CERS3: variants seen among roughly 807,000 people sequenced by gnomAD.
CERS3 encodes LAG1 homolog, ceramide synthase 3.
In CERS3, 33 loss-of-function variants were observed where a neutral mutation model predicts 50.3. That is an observed-to-expected ratio of 0.66 (90% CI 0.50 to 0.88). The LOEUF (loss-of-function observed/expected upper bound fraction) is 0.88. CERS3 is among the 40% of genes least tolerant of loss of function. CERS3 has a pLI of 0.00. For missense variants in CERS3, 470 were observed against 460.3 expected, an observed-to-expected ratio of 1.02 and a Z score of -0.19; for synonymous variants, 176 against 155.2, an observed-to-expected ratio of 1.13 and a Z score of -0.99.
chr15:100,483,781 A>ATTTTTTTTTTTTT lies in CERS3; in HGVS notation c.407+768_407+769insAAAAAAAAAAAAA, dbSNP rs1267906519. Among the ~76,000 whole-genome samples, 47 of 77,602 alleles carry ATTTTTTTTTTTTT rather than the reference A, an allele frequency of 6.1e-4. 8 individuals are homozygous for ATTTTTTTTTTTTT. The highest frequency in any genetic ancestry group is 5.4e-3 in the East Asian group (15 of 2,772). 50.9% of individuals were successfully genotyped at this position (77,602 alleles called of 152,430 possible). ...AGGATCAATAATAATAATAATTATT[A>ATTTTTTTTTTTTT]TTATTATTTTTTTTTTTGAGACAGA... On this transcript the variant is annotated intron_variant, in intron 5 of 11. Transcript: ENST00000679737.
intron 11 of CERS3, among the ~76,000 whole-genome samples, chr15:100,409,185 C>T (rs2031286183): frequency 6.6e-6 from 1 of 152,194 alleles, no homozygotes; most frequent in African/African-American, 2.4e-5. Flanking sequence ...CATCCCTATT[C>T]TGACCTTGCC....
chr15:100,543,136 T>C (rs2037240786), intron 1 of CERS3, among the ~76,000 whole-genome samples: 1 of 152,148 alleles, frequency 6.6e-6, no homozygotes, highest in Non-Finnish European at 1.5e-5. Flanking sequence ...GGTCTCGAAC[T>C]CCTGACTTCA....
chr15:100,477,906 T>C (rs2035181894), intron 7 of CERS3, among the ~76,000 whole-genome samples: 1 of 152,206 alleles, frequency 6.6e-6, no homozygotes, highest in Non-Finnish European at 1.5e-5. Flanking sequence ...ATCAGCTCAA[T>C]CAAGGATTAA....
intron 8 of CERS3, among the ~76,000 whole-genome samples, chr15:100,473,359 G>T (rs2035028320): frequency 6.6e-6 from 1 of 151,958 alleles, no homozygotes; most frequent in Admixed American, 6.6e-5. Context: ...TACAGTTATT[G>T]TTTAGCCCCT....
chr15:100,468,617 C>T (rs1422044613), intron 10 of CERS3, among the ~76,000 whole-genome samples: 3 of 152,116 alleles, frequency 2.0e-5, no homozygotes, highest in East Asian at 1.9e-4. Context: ...ATCCCAAGTT[C>T]CCAGACTAGC....
Position 100,401,189 on chromosome 15 carries a change from A to C in CERS3, c.*1524T>G, listed in dbSNP as rs926842743. ...ACCTCTCCTGTGGCTTTCTAGTACGAGCCCCTGAATAAATAGGATGAACAT... is the reference window on the plus strand; with the variant it reads ...ACCTCTCCTGTGGCTTTCTAGTACGCGCCCCTGAATAAATAGGATGAACAT... On this transcript the variant is annotated 3_prime_UTR_variant, in exon 12 of 12. Transcript: ENST00000679737. The C allele has an allele frequency of 1.3e-5, 2 of 152,140 alleles. No individual in the cohort carries two copies. The highest frequency in any genetic ancestry group is 4.8e-5 in the African/African-American group (2 of 41,424). 9.4% of individuals were successfully genotyped at this position (152,140 alleles called of 1,614,324 possible).
At chr15:100,446,111 C>T (rs1044910867) in intron 11 of CERS3, among the ~76,000 whole-genome samples, 2 of 151,918 alleles carry the variant, frequency 1.3e-5, no homozygotes, top group Admixed American at 6.6e-5. Flanking sequence ...ACTCTCTTTT[C>T]GGACTCAGCC....
chr15:100,477,975 A>C (rs916477941), intron 7 of CERS3, among the ~76,000 whole-genome samples: 9 of 152,202 alleles, frequency 5.9e-5, no homozygotes, highest in Admixed American at 3.3e-4. Flanking sequence ...CTGTGAAGGA[A>C]GATAATATCA....
At chr15:100,520,422 G>A (rs796468158) in intron 2 of CERS3, among the ~76,000 whole-genome samples, 5 of 152,212 alleles carry the variant, frequency 3.3e-5, no homozygotes, top group African/African-American at 9.6e-5. Flanking sequence ...AGATCTGTTC[G>A]GGCTGTGTAG....
intron 11 of CERS3, among the ~76,000 whole-genome samples, chr15:100,454,387 CAAA>C (rs59536958): frequency 3.6e-5 from 4 of 111,452 alleles, no homozygotes; most frequent in Non-Finnish European, 7.1e-5. Flanking sequence ...AAGGCATTGT[CAAA>C]AAAAAAAAAA....
intron 11 of CERS3, among the ~76,000 whole-genome samples, chr15:100,448,088 A>G (rs2034008698): frequency 6.6e-6 from 1 of 152,218 alleles, no homozygotes; most frequent in African/African-American, 2.4e-5. Context: ...TTGGATATTC[A>G]ATAAAAATAA....
At chr15:100,530,011 T>G (rs1174964798), upstream of CERS3, among the ~76,000 whole-genome samples, 1 of 152,212 alleles carries the variant, frequency 6.6e-6, no homozygotes, top group East Asian at 1.9e-4. Flanking sequence ...TAAACGCCCT[T>G]CCTTTCACTG....
At chr15:100,511,010 G>A (rs544456373) in intron 2 of CERS3, among the ~76,000 whole-genome samples, 8 of 152,256 alleles carry the variant, frequency 5.3e-5, no homozygotes, top group South Asian at 2.1e-4. Flanking sequence ...CATTAAGGTC[G>A]GGCACGGTAA....
intron 4 of CERS3, among the ~76,000 whole-genome samples, chr15:100,487,783 T>TA (rs2035532074): frequency 1.3e-5 from 2 of 152,320 alleles, no homozygotes; most frequent in South Asian, 4.1e-4. Flanking sequence ...GTTTTTGCTC[T>TA]AAAAATGTTT....
Position 100,458,325 on chromosome 15 carries a change from C to T in CERS3, c.846-2279G>A, listed in dbSNP as rs546958789. Among the ~76,000 whole-genome samples the T allele has an allele frequency of 9.9e-5, 15 of 152,268 alleles. No individual in the cohort carries two copies. The East Asian group carries it at 2.9e-3, about 29-fold the overall frequency. On this transcript the variant is annotated intron_variant, in intron 10 of 11. Transcript: ENST00000679737. ...AGGGGCCAGGTGCAGTGGCTCATGC[C>T]TGTAATCCCAGCACTTTGGGAGGCT...
chr15:100,412,253 G>C (rs535549191), intron 11 of CERS3, among the ~76,000 whole-genome samples: 1 of 152,176 alleles, frequency 6.6e-6, no homozygotes, highest in African/African-American at 2.4e-5. Flanking sequence ...TATGGTGTTA[G>C]GTAAGGGTCC....
chr15:100,440,937 C>T lies in CERS3; in HGVS notation c.999+14956G>A, dbSNP rs368018077. 8.5e-5 allele frequency among the ~76,000 whole-genome samples: 13 copies of T among 152,332 alleles called. No individual in the cohort carries two copies. The East Asian group carries it at 1.3e-3, about 16-fold the overall frequency. ...GGACCCAAAACTCCGGCACTGGTCACGGACTAGGGAAGGCAGCCTTCCCTT... is the reference window on the plus strand; with the variant it reads ...GGACCCAAAACTCCGGCACTGGTCATGGACTAGGGAAGGCAGCCTTCCCTT... On this transcript the variant is annotated intron_variant, in intron 11 of 11. Coordinates refer to ENST00000679737, the MANE Select transcript of CERS3 (RefSeq NM_001378789.1).
chr15:100,471,408 G>A lies in CERS3; in HGVS notation c.738+1516C>T, dbSNP rs369773587. ...GGGAATCATGTCACATCAGTGAAAGGGTGGGGAGGGTGGCAGGGCAACCCC... is the reference window on the plus strand; with the variant it reads ...GGGAATCATGTCACATCAGTGAAAGAGTGGGGAGGGTGGCAGGGCAACCCC... On this transcript the variant is annotated intron_variant, in intron 9 of 11. Transcript: ENST00000679737. Among the ~76,000 whole-genome samples the A allele has an allele frequency of 3.4e-3, 524 of 152,320 alleles. 2 individuals carry two copies. The highest frequency in any genetic ancestry group is 0.014 in the Middle Eastern group (4 of 292).
At chr15:100,495,041 C>G (rs1360710743) in intron 3 of CERS3, among the ~76,000 whole-genome samples, 2 of 152,170 alleles carry the variant, frequency 1.3e-5, no homozygotes, top group African/African-American at 2.4e-5. Flanking sequence ...AGACAAACAC[C>G]CTCAGGGAAA....
Sources: gnomAD v4.1 joint callset for allele counts (sites outside exome capture counted in the v4.1 genomes callset) on GRCh38, gnomAD v4.1.1 for gene constraint, MANE v1.5 for transcripts, NCBI Gene and HGNC (gene_info 2026-07-23, HGNC 2026-07-21) for gene names.